PACS2: variants seen among roughly 807,000 people sequenced by gnomAD.
The protein encoded by PACS2 is PACS1-like protein.
In PACS2, 36 loss-of-function variants were observed where a neutral mutation model predicts 113.0. That is an observed-to-expected ratio of 0.32 (90% CI 0.24 to 0.42). The LOEUF (loss-of-function observed/expected upper bound fraction) is 0.42, where lower values mean the gene tolerates loss of function less well. Ranked by LOEUF, PACS2 falls within the 10% of genes least tolerant of loss-of-function variation. PACS2 has a pLI of 1.00. For synonymous variants in PACS2, 589 were observed against 536.1 expected, an observed-to-expected ratio of 1.10 and a Z score of -1.36; for missense variants, 1,015 against 1,239.5, an observed-to-expected ratio of 0.82 and a Z score of 2.72.
chr14:105,390,338 G>A (rs993977694), intron 20 of PACS2: 5 of 376,876 alleles, frequency 1.3e-5, no homozygotes, highest in Admixed American at 7.3e-5. Flanking sequence ...TGGGGAGGGC[G>A]CCTCTGTCCT....
At chr14:105,313,387 C>T (rs1468326499), upstream of PACS2, among the ~76,000 whole-genome samples, 1 of 152,200 alleles carries the variant, frequency 6.6e-6, no homozygotes, top group African/African-American at 2.4e-5. Context: ...GCCCTCTGCC[C>T]GCCGAGCAGC....
chr14:105,367,977 C>A, intron 5 of PACS2, 97 bp from the exon 6 acceptor site: 2 of 794,576 alleles, frequency 2.5e-6, no homozygotes, highest in Non-Finnish European at 4.5e-6. Flanking sequence ...CTCCTCGCTG[C>A]CCCCACTCTG....
rs782516731 is a variant in PACS2, at chr14:105,393,374, T to C, written c.2596+39T>C. 2.8e-6 allele frequency: 4 copies of C among 1,414,232 alleles called. No homozygotes were observed. The South Asian group carries it at 4.6e-5, about 16-fold the overall frequency. 87.6% of individuals were successfully genotyped at this position (1,414,232 alleles called of 1,614,324 possible). A position where few individuals can be genotyped will look rare whatever the true frequency, so the allele number is the denominator to read the frequency against. Reference sequence around the variant, plus strand: ...GCCCCGGGGTCTGTAGAGTGGGACGTAGGTGAGAGCACAGCAAGGCTGCTT... The same window carrying C: ...GCCCCGGGGTCTGTAGAGTGGGACGCAGGTGAGAGCACAGCAAGGCTGCTT... On this transcript the variant is annotated intron_variant, in intron 24 of 24. Transcript: ENST00000447393.
At chr14:105,393,135 C>A in intron 23 of PACS2, 87 bp from the exon 24 acceptor site, 1 of 1,004,030 alleles carries the variant, frequency 1.0e-6, no homozygotes, top group East Asian at 2.4e-5. Flanking sequence ...GCTGAGCCCC[C>A]AGTGCCTCCC....
At chr14:105,314,181 G>A (rs1331838325), upstream of PACS2, among the ~76,000 whole-genome samples, 1 of 152,150 alleles carries the variant, frequency 6.6e-6, no homozygotes, top group East Asian at 1.9e-4. Context: ...ACCCACGCAG[G>A]GGGGCGCGAG....
At chr14:105,353,766 G>A (rs956667421) in intron 3 of PACS2, among the ~76,000 whole-genome samples, 2 of 151,668 alleles carry the variant, frequency 1.3e-5, no homozygotes, top group East Asian at 2.0e-4. Context: ...GCTATTTTTC[G>A]TATCTTTAGT....
intron 24 of PACS2, 157 bp from the exon 25 acceptor site, chr14:105,394,394 GCCC>G: frequency 1.0e-6 from 1 of 985,316 alleles, no homozygotes; most frequent in South Asian, 4.7e-5. Context: ...TGGCCCTGGA[GCCC>G]CCGAGTCCCT....
Position 105,396,857 on chromosome 14 carries a change from A to G in PACS2, c.*2185A>G, listed in dbSNP as rs997462108. The G allele has an allele frequency of 2.7e-4, 41 of 152,362 alleles. No individual in the cohort carries two copies. Among genetic ancestry groups the G allele is most frequent in the African/African-American group, 9.9e-4 (41 of 41,560 alleles). The allele number at this position is 152,362 out of a possible 1,614,324, so 9.4% of individuals were successfully genotyped here. On this transcript the variant is annotated 3_prime_UTR_variant, in exon 25 of 25. Transcript: ENST00000447393. ...CACTCAGTAGGGAGATGAAGGTGGA[A>G]ACATCCTTGCTGTGGCTTTCTGGCC...
chr14:105,392,118 C>T (rs1397439455), intron 22 of PACS2: 1 of 359,872 alleles, frequency 2.8e-6, no homozygotes, highest in Non-Finnish European at 5.1e-6. Context: ...GGATGAGCTT[C>T]GATAGCTGTG....
intron 1 of PACS2, among the ~76,000 whole-genome samples, chr14:105,342,649 G>A (rs186180006): frequency 6.6e-6 from 1 of 151,984 alleles, no homozygotes; most frequent in African/African-American, 2.4e-5. Flanking sequence ...GTATCGTCTG[G>A]TAGGCCAGGC....
chr14:105,330,400 C>T lies in PACS2; in HGVS notation c.119+15363C>T, dbSNP rs2059263095. Among the ~76,000 whole-genome samples the T allele has an allele frequency of 6.6e-6, 1 of 152,090 alleles. No homozygotes were observed. The highest frequency in any genetic ancestry group is 1.5e-5 in the Non-Finnish European group (1 of 68,010). ...ACGGGGGACAGGAGGTTGTGAAGGG[C>T]GTGTGGGTTCCGGGAGGCTCACTAT... On this transcript the variant is annotated intron_variant, in intron 1 of 24. Transcript: ENST00000447393. The surrounding 1 kb of genome is among the most constrained non-coding windows in gnomAD (Gnocchi z 6.9).
rs200116250 is a variant in PACS2, at chr14:105,394,559, A to G, written c.2602A>G (p.Ile868Val). ...CAGGCAGCCCTCTCCCACAGTCCTC[A>G]TCGACGGCGTGGAGTGCAGCGACGT... ...RQQQNMLRVL[I>V]DGVECSDVKF... Residue 868 changes from isoleucine (I) to valine (V), a missense_variant, in exon 25 of 25, where the codon ATC becomes GTC. Physicochemically the swap from Ile to Val is conservative, Grantham distance 29. Around this residue, in one of 3 missense-constraint regions of PACS2, gnomAD observed 859 missense variants for 1,056.8 expected, o/e 0.81. Coordinates refer to ENST00000447393, the MANE Select transcript of PACS2 (RefSeq NM_001100913.3). 3 of 1,612,612 alleles carry G rather than the reference A, an allele frequency of 1.9e-6. No homozygotes were observed. Among genetic ancestry groups the G allele is most frequent in the African/African-American group, 2.7e-5 (2 of 75,028 alleles).
At chr14:105,364,758 G>A (rs1198298708) in intron 4 of PACS2, among the ~76,000 whole-genome samples, 2 of 144,790 alleles carry the variant, frequency 1.4e-5, no homozygotes, top group Non-Finnish European at 3.0e-5. Flanking sequence ...GTGCAGTGGT[G>A]TGATCTTGGC....
Position 105,376,798 on chromosome 14 carries a change from C to T in PACS2, c.832C>T (p.His278Tyr). 5.0e-6 allele frequency: 8 copies of T among 1,613,142 alleles called. No homozygotes were observed. Among genetic ancestry groups the T allele is most frequent in the African/African-American group, 1.3e-5 (1 of 75,044 alleles). The change falls in exon 9 of 25, where the codon CAC becomes TAC. Residue 278 changes from histidine (H) to tyrosine (Y), a missense_variant. Physicochemically the swap from His to Tyr is moderately conservative, Grantham distance 83. This residue lies in a region of PACS2 where 859 missense variants were observed against 1,056.8 expected (regional missense o/e 0.81). Coordinates refer to ENST00000447393, the MANE Select transcript of PACS2 (RefSeq NM_001100913.3). This position sits in a 1 kb window ranked among gnomAD's most constrained non-coding sequence, Gnocchi z 4.7. ...GGACTCGGAGCAGGACCCTGCGGAG[C>T]ACATCCCCGAGGCAGAGGAGGACCT... ...VLDSEQDPAE[H>Y]IPEAEEDLDL...
intron 1 of PACS2, among the ~76,000 whole-genome samples, chr14:105,319,311 G>A (rs114804746): frequency 0.014 from 2,077 of 152,344 alleles, 53 homozygotes; most frequent in African/African-American, 0.047. Flanking sequence ...CTTTAACTCT[G>A]TAGAGCAGGT....
rs587656478 is a variant in PACS2, at chr14:105,366,694, C to G, written c.424-519C>G. On this transcript the variant is annotated intron_variant, in intron 4 of 24. Coordinates refer to ENST00000447393, the MANE Select transcript of PACS2 (RefSeq NM_001100913.3). The surrounding 1 kb of genome is among the most constrained non-coding windows in gnomAD (Gnocchi z 4.3). ...TGCTGGGCTCCTCCTTGGTCCCCCA[C>G]AGACACTGGTCCCTGGGCATTGGCT... 1.3e-5 allele frequency among the ~76,000 whole-genome samples: 2 copies of G among 152,210 alleles called. No homozygotes were observed. Among genetic ancestry groups the G allele is most frequent in the Non-Finnish European group, 2.9e-5 (2 of 68,034 alleles).
In PACS2 at chr14:105,348,458, G is replaced by A. The variant is rs782095559; in HGVS notation, c.120-35G>A. 3.7e-5 allele frequency: 56 copies of A among 1,534,028 alleles called. No individual in the cohort carries two copies. Among genetic ancestry groups the A allele is most frequent in the South Asian group, 2.5e-4 (22 of 89,516 alleles). ...CAGGGCCGCGTCCTGAGGAGAGGGCGGAGCCCCGAGGCTGAGCTGTGCCTT... is the reference window on the plus strand; with the variant it reads ...CAGGGCCGCGTCCTGAGGAGAGGGCAGAGCCCCGAGGCTGAGCTGTGCCTT... On this transcript the variant is annotated intron_variant, in intron 1 of 24. Coordinates refer to ENST00000447393, the MANE Select transcript of PACS2 (RefSeq NM_001100913.3). This position sits in a 1 kb window ranked among gnomAD's most constrained non-coding sequence, Gnocchi z 6.4.
At position 105,378,174 on chromosome 14, in the gene PACS2, C is replaced by T. The variant is rs146329798; in HGVS notation, c.959+1249C>T. ...AAAGTTTTCTGTCTTTAACGGCTCA[C>T]GTGATTCCATAGGAGACATCTTTGT... On this transcript the variant is annotated intron_variant, in intron 9 of 24. Transcript: ENST00000447393. Among the ~76,000 whole-genome samples, 121 of 152,332 alleles carry T rather than the reference C, an allele frequency of 7.9e-4. 3 individuals are homozygous for T. The East Asian group carries it at 0.015, about 19-fold the overall frequency.
At chr14:105,382,358 C>T in intron 13 of PACS2, 119 bp from the exon 14 acceptor site, 1 of 741,076 alleles carries the variant, frequency 1.3e-6, no homozygotes, top group Non-Finnish European at 2.4e-6. Context: ...AGCTCTCTTC[C>T]TGCCACCGAG....
Sources: gnomAD v4.1 joint callset for allele counts (sites outside exome capture counted in the v4.1 genomes callset) on GRCh38, gnomAD v4.1.1 for gene constraint, gnomAD v4.1.1 regional missense constraint, Gnocchi (gnomAD v3.1) non-coding constraint, MANE v1.5 for transcripts, NCBI Gene and HGNC (gene_info 2026-07-23, HGNC 2026-07-21) for gene names.